SYN1: variants seen among roughly 807,000 people sequenced by gnomAD.
SYN1 encodes synapsin-1.
In SYN1, 8 loss-of-function variants were observed where a neutral mutation model predicts 44.6. The observed-to-expected ratio is 0.18, with a 90% CI of 0.11 to 0.32. The LOEUF is 0.32. SYN1 is among the 10% of genes least tolerant of loss of function. The pLI, the probability that SYN1 is intolerant of heterozygous loss-of-function variation, is 1.00. For missense variants in SYN1, 451 were observed against 639.4 expected (o/e 0.71, Z 3.18); for synonymous variants, 275 against 280.1 (o/e 0.98, Z 0.18).
intron 5 of SYN1, among the ~76,000 whole-genome samples, chrX:47,601,557 G>A (rs1201337788): frequency 3.6e-5 from 4 of 111,128 alleles, no homozygotes; most frequent in Non-Finnish European, 5.7e-5. Flanking sequence ...AGGGGTTCAA[G>A]ACCAGCCTGA....
intron 5 of SYN1, chrX:47,582,623 A>G (rs370683239): frequency 1.2e-4 from 41 of 350,441 alleles, no homozygotes; most frequent in East Asian, 6.9e-4. Flanking sequence ...TAGGGGGAAG[A>G]GGGTCGGAGG....
rs1308601498 is a variant in SYN1, at chrX:47,572,093, G to A, written c.*771C>T. The A allele has an allele frequency of 1.5e-5, 2 of 130,425 alleles. No individual in the cohort carries two copies. 10.7% of individuals were successfully genotyped at this position (130,425 alleles called of 1,213,427 possible). ...ACATATGCCAAGCACGGCACAAAAG[G>A]AGGCCACGTCAGTCACAGACACAGA... is the stretch of plus-strand genomic sequence containing the variant. On this transcript the variant is annotated 3_prime_UTR_variant, in exon 13 of 13. Transcript: ENST00000295987.
chrX:47,606,753 T>A lies in SYN1; in HGVS notation c.527+192A>T, dbSNP rs548067783. Among the ~76,000 whole-genome samples, 727 of 98,058 alleles carry A rather than the reference T, an allele frequency of 7.4e-3. 6 individuals are homozygous for A. The highest frequency in any genetic ancestry group is 0.017 in the East Asian group (55 of 3,321). The allele number at this position is 98,058 out of a possible 115,157, so 85.2% of individuals were successfully genotyped here. ...GAAATATATATATATATATATATAT[T>A]TTTTTTTAAAGTCTGACTTGTGGCA... On this transcript the variant is annotated intron_variant, in intron 3 of 12. Coordinates refer to ENST00000295987, the MANE Select transcript of SYN1 (RefSeq NM_006950.3).
intron 1 of SYN1, among the ~76,000 whole-genome samples, chrX:47,618,797 G>A (rs1240324494): frequency 9.0e-6 from 1 of 111,703 alleles, no homozygotes; most frequent in Non-Finnish European, 1.9e-5. Context: ...CTTTAAGGAC[G>A]GAGCTGGGGT....
rs1173178980 is a variant in SYN1 at position 47,604,862 on chromosome X, C to T, written c.774+116G>A. ...ATCACAAAGCAACTTCATGACTCCACGTGCACACAGCAGCCACACTCTTGA... is the reference window on the plus strand; with the variant it reads ...ATCACAAAGCAACTTCATGACTCCATGTGCACACAGCAGCCACACTCTTGA... On this transcript the variant is annotated intron_variant, in intron 5 of 12. Coordinates refer to ENST00000295987, the MANE Select transcript of SYN1 (RefSeq NM_006950.3). The T allele has an allele frequency of 1.3e-5, 9 of 704,686 alleles. No homozygotes were observed. In the East Asian group the frequency reaches 2.5e-4, roughly 19 times the overall value. The allele number at this position is 704,686 out of a possible 1,213,427, so 58.1% of individuals were successfully genotyped here.
intron 5 of SYN1, among the ~76,000 whole-genome samples, chrX:47,596,610 C>A (rs2057864287): frequency 8.9e-6 from 1 of 112,588 alleles, no homozygotes; most frequent in South Asian, 3.6e-4. Context: ...TCTGTCCAAT[C>A]ATTAGCTGAC....
chrX:47,600,005 A>G (rs769983888), intron 5 of SYN1, among the ~76,000 whole-genome samples: 97 of 112,606 alleles, frequency 8.6e-4, no homozygotes, highest in African/African-American at 3.0e-3. Flanking sequence ...AATATTTTAT[A>G]AGCATAAATG....
chrX:47,612,814 G>C, intron 1 of SYN1, among the ~76,000 whole-genome samples: 1 of 111,829 alleles, frequency 8.9e-6, no homozygotes, highest in African/African-American at 3.3e-5. Context: ...CAGAAATGTG[G>C]GCAGACACCT....
chrX:47,586,613 C>G, intron 5 of SYN1: 1 of 1,212,117 alleles, frequency 8.3e-7, no homozygotes, highest in East Asian at 3.0e-5. Context: ...AAAAGGGCTT[C>G]CAGTCCCGTC....
At position 47,606,552 on chromosome X, in the gene SYN1, C is replaced by A. The variant is rs185594652; in HGVS notation, c.527+393G>T. 2.6e-3 allele frequency among the ~76,000 whole-genome samples: 279 copies of A among 107,881 alleles called. 1 individual carries two copies. The highest frequency in any genetic ancestry group is 9.1e-3 in the African/African-American group (270 of 29,625). 93.7% of individuals were successfully genotyped at this position (107,881 alleles called of 115,157 possible). ...AAACCTGGGCAACATAGTGAGGACC[C>A]CCCCCATCTCTACAAAAAACATAAA... On this transcript the variant is annotated intron_variant, in intron 3 of 12. Coordinates refer to ENST00000295987, the MANE Select transcript of SYN1 (RefSeq NM_006950.3).
At chrX:47,597,428 G>A (rs1475192538) in intron 5 of SYN1, among the ~76,000 whole-genome samples, 1 of 110,462 alleles carries the variant, frequency 9.1e-6, no homozygotes, top group Non-Finnish European at 1.9e-5. Flanking sequence ...CTTTGAGCTG[G>A]CAGGGTAAAG....
intron 5 of SYN1, among the ~76,000 whole-genome samples, chrX:47,601,402 C>T (rs760279645): frequency 1.9e-4 from 21 of 111,618 alleles, no homozygotes; most frequent in African/African-American, 5.5e-4. Flanking sequence ...AGTAAAACTT[C>T]CTACAAAGAC....
chrX:47,606,749 A>ATTTTTT (rs1449578745), intron 3 of SYN1, among the ~76,000 whole-genome samples, 196 bp downstream of exon 3: 18 of 98,963 alleles, frequency 1.8e-4, no homozygotes, highest in African/African-American at 7.4e-4. Context: ...ATATATATAT[A>ATTTTTT]TATTTTTTTT....
chrX:47,584,539 T>C (rs1295043583), intron 5 of SYN1, among the ~76,000 whole-genome samples: 1 of 111,866 alleles, frequency 8.9e-6, no homozygotes, highest in African/African-American at 3.3e-5. Flanking sequence ...TTATACTTAA[T>C]GTCTAACATT....
At chrX:47,584,023 T>C (rs949757401) in intron 5 of SYN1, among the ~76,000 whole-genome samples, 1 of 111,211 alleles carries the variant, frequency 9.0e-6, no homozygotes. Flanking sequence ...AGTGGGAATG[T>C]GTAGCTAAGG....
At chrX:47,577,393 T>C in intron 6 of SYN1, 46 bp downstream of exon 6, 1 of 1,163,606 alleles carries the variant, frequency 8.6e-7, no homozygotes. Context: ...TGGTGTGCAT[T>C]GCACAAATAC....
At chrX:47,582,701 C>G in intron 5 of SYN1, 1 of 245,554 alleles carries the variant, frequency 4.1e-6, no homozygotes, top group Non-Finnish European at 8.1e-6. Flanking sequence ...CCCCAATTCC[C>G]CCAAACCCAT....
chrX:47,605,488 G>A, intron 3 of SYN1, 109 bp from the exon 4 acceptor site: 1 of 968,595 alleles, frequency 1.0e-6, no homozygotes, highest in Non-Finnish European at 1.4e-6. Context: ...ATTGCAAAGT[G>A]GTTTCTCACC....
intron 5 of SYN1, among the ~76,000 whole-genome samples, chrX:47,582,090 G>C (rs1360237676): frequency 8.0e-5 from 9 of 112,677 alleles, no homozygotes; most frequent in Non-Finnish European, 1.9e-5. Flanking sequence ...TTGAGTCATA[G>C]GGAGCTTGGG....
Sources: gnomAD v4.1 joint callset for allele counts (sites outside exome capture counted in the v4.1 genomes callset) on GRCh38, gnomAD v4.1.1 for gene constraint, MANE v1.5 for transcripts, NCBI Gene and HGNC (gene_info 2026-07-23, HGNC 2026-07-21) for gene names.